The following ARHGEF10L variants were observed in gnomAD, a reference collection of about 807,000 sequenced individuals.
ARHGEF10L encodes the protein Rho guanine nucleotide exchange factor 10 like, also known as rho guanine nucleotide exchange factor 10-like protein.
In ARHGEF10L, 69 loss-of-function variants were observed where a neutral mutation model predicts 141.2. The observed-to-expected ratio is 0.49, with a 90% CI of 0.40 to 0.60. The LOEUF is 0.60. ARHGEF10L is among the 20% of genes least tolerant of loss of function. The pLI, the probability that ARHGEF10L is intolerant of heterozygous loss-of-function variation, is 0.00. For synonymous variants in ARHGEF10L, 711 were observed against 718.5 expected (o/e 0.99, Z 0.17); for missense variants, 1,482 against 1,734.3 (o/e 0.85, Z 2.58).
At chr1:17,634,135 T>G in intron 16 of ARHGEF10L, 1 of 227,506 alleles carries the variant, frequency 4.4e-6, no homozygotes, top group South Asian at 6.8e-5. Context: ...TCAAAGAAGG[T>G]AATTCTTCAG....
chr1:17,638,895 T>G (rs992227053), intron 20 of ARHGEF10L, among the ~76,000 whole-genome samples: 30 of 152,218 alleles, frequency 2.0e-4, no homozygotes, highest in Non-Finnish European at 1.5e-4. Context: ...ATGAATGAAT[T>G]AATGAACAGC....
intron 27 of ARHGEF10L, among the ~76,000 whole-genome samples, chr1:17,691,496 A>G (rs1268073931): frequency 2.6e-5 from 4 of 151,946 alleles, no homozygotes; most frequent in Non-Finnish European, 4.4e-5. Context: ...TTGGAGAGGG[A>G]GGCGATGAGG....
At chr1:17,682,203 G>T (rs996012888) in intron 26 of ARHGEF10L, among the ~76,000 whole-genome samples, 1 of 152,150 alleles carries the variant, frequency 6.6e-6, no homozygotes, top group Non-Finnish European at 1.5e-5. Flanking sequence ...CTGCCTTCAG[G>T]CTCTTTCAGT....
intron 15 of ARHGEF10L, among the ~76,000 whole-genome samples, chr1:17,629,670 T>G (rs2060572510): frequency 2.0e-5 from 3 of 151,998 alleles, no homozygotes; most frequent in Admixed American, 2.0e-4. Flanking sequence ...GCAGGGTCAC[T>G]CTCCACCCCC....
rs560495196 is a variant in ARHGEF10L at position 17,634,194 on chromosome 1, C to A, written c.1731-354C>A. 5.2e-4 allele frequency: 211 copies of A among 403,634 alleles called. 1 individual carries two copies. Among genetic ancestry groups the A allele is most frequent in the African/African-American group, 4.1e-3 (197 of 47,966 alleles). The allele number at this position is 403,634 out of a possible 1,614,324, so 25.0% of individuals were successfully genotyped here. On this transcript the variant is annotated intron_variant, in intron 16 of 28. Transcript: ENST00000361221. ...TGTGGTGCCGGCGGTATGATGAATACCCTCTCTGCCTTCATGTTGCTCTAG... is the reference window on the plus strand; with the variant it reads ...TGTGGTGCCGGCGGTATGATGAATAACCTCTCTGCCTTCATGTTGCTCTAG...
intron 26 of ARHGEF10L, among the ~76,000 whole-genome samples, chr1:17,679,792 A>G (rs1383957631): frequency 6.6e-6 from 1 of 151,878 alleles, no homozygotes. Flanking sequence ...TGCCCTAGCT[A>G]TGGGATGAGG....
Position 17,615,750 on chromosome 1 carries a change from G to A in ARHGEF10L, c.727-344G>A. ...AGTGACGTTCAGTGACGTGCCCAGA[G>A]TCATGCCATTGGCGGGTGGCCCAGG... On this transcript the variant is annotated intron_variant, in intron 8 of 28. Transcript: ENST00000361221. This position sits in a 1 kb window ranked among gnomAD's most constrained non-coding sequence, Gnocchi z 4.7. 1 of 222,348 alleles carries A rather than the reference G, an allele frequency of 4.5e-6. No individual in the cohort carries two copies. Among genetic ancestry groups the A allele is most frequent in the South Asian group, 9.5e-5 (1 of 10,560 alleles). 13.8% of individuals were successfully genotyped at this position (222,348 alleles called of 1,614,324 possible).
rs2080925574 is a variant in ARHGEF10L, at chr1:17,603,818, C to T, written c.433+227C>T. Among the ~76,000 whole-genome samples the T allele has an allele frequency of 6.6e-6, 1 of 152,230 alleles. No homozygotes were observed. Among genetic ancestry groups the T allele is most frequent in the Non-Finnish European group, 1.5e-5 (1 of 68,044 alleles). ...CATCATGGGCAGGGCCATGCTCCGG[C>T]TATGGGTCCCCGGGCAGGTAATCAC... On this transcript the variant is annotated intron_variant, in intron 6 of 28. Transcript: ENST00000361221. The surrounding 1 kb of genome is among the most constrained non-coding windows in gnomAD (Gnocchi z 4.8).
In ARHGEF10L at chr1:17,654,862, C is replaced by T. The variant is rs2102016250; in HGVS notation, c.2481+140C>T. On this transcript the variant is annotated intron_variant, in intron 23 of 28. Transcript: ENST00000361221. This position sits in a 1 kb window ranked among gnomAD's most constrained non-coding sequence, Gnocchi z 4.3. ...CATCCACCAAGGTCTTCCTGGGCAC[C>T]TCTGGTGCCAGGCACTGCATTTGGA... 1.2e-6 allele frequency: 1 copy of T among 806,044 alleles called. No individual in the cohort carries two copies. The highest frequency in any genetic ancestry group is 1.7e-5 in the African/African-American group (1 of 59,342). 49.9% of individuals were successfully genotyped at this position (806,044 alleles called of 1,614,324 possible).
intron 1 of ARHGEF10L, among the ~76,000 whole-genome samples, chr1:17,541,152 C>T (rs973526773): frequency 6.6e-6 from 1 of 152,188 alleles, no homozygotes; most frequent in African/African-American, 2.4e-5. Flanking sequence ...CTGAGGCCCC[C>T]TGTCCCTTCC....
At chr1:17,616,953 A>C in intron 9 of ARHGEF10L, among the ~76,000 whole-genome samples, 1 of 152,200 alleles carries the variant, frequency 6.6e-6, no homozygotes, top group East Asian at 1.9e-4. Context: ...CTATGAGCCT[A>C]CAGTTCCTCA....
rs1370427200 is a variant in ARHGEF10L at position 17,696,836 on chromosome 1, C to G, written c.3308-12C>G. The stretch of plus-strand genomic sequence containing the variant: ...CTTTGGGCCCCTTTCTCTCTCGCCC[C>G]ATTTTCTGCAGGGAAAGGCATGGTC... On this transcript the variant is annotated splice_polypyrimidine_tract_variant and intron_variant, in intron 28 of 28. Coordinates refer to ENST00000361221, the MANE Select transcript of ARHGEF10L (RefSeq NM_018125.4). 6.6e-7 allele frequency: 1 copy of G among 1,523,638 alleles called. No individual in the cohort carries two copies. The highest frequency in any genetic ancestry group is 1.3e-5 in the South Asian group (1 of 78,012). The allele number at this position is 1,523,638 out of a possible 1,614,324, so 94.4% of individuals were successfully genotyped here.
intron 27 of ARHGEF10L, among the ~76,000 whole-genome samples, chr1:17,688,634 T>TG (rs2064819923): frequency 1.3e-5 from 2 of 152,154 alleles, no homozygotes. Flanking sequence ...ACACAGCCCG[T>TG]GTGGCAGGTG....
chr1:17,535,432 C>A (rs12134659), upstream of ARHGEF10L, among the ~76,000 whole-genome samples: 55,688 of 152,066 alleles, frequency 0.37, 10,772 homozygotes, highest in Non-Finnish European at 0.42. Flanking sequence ...GGGTTGGGGA[C>A]CCCTGCACTA....
At chr1:17,692,668 C>T (rs1569845796) in intron 27 of ARHGEF10L, among the ~76,000 whole-genome samples, 1 of 152,348 alleles carries the variant, frequency 6.6e-6, no homozygotes, top group East Asian at 1.9e-4. Flanking sequence ...GCTCCTCCCA[C>T]TCCCACCCTC....
chr1:17,676,951 A>G (rs1314180170), intron 26 of ARHGEF10L, among the ~76,000 whole-genome samples: 1 of 151,754 alleles, frequency 6.6e-6, no homozygotes, highest in East Asian at 1.9e-4. Context: ...GGGCTCCCTT[A>G]GTCCTCACTC....
chr1:17,621,183 C>T lies in ARHGEF10L; in HGVS notation c.943-681C>T, dbSNP rs528958973. 3.0e-4 allele frequency among the ~76,000 whole-genome samples: 45 copies of T among 152,252 alleles called. No individual in the cohort carries two copies. The highest frequency in any genetic ancestry group is 1.4e-3 in the East Asian group (7 of 5,178). On this transcript the variant is annotated intron_variant, in intron 10 of 28. Transcript: ENST00000361221. This position sits in a 1 kb window ranked among gnomAD's most constrained non-coding sequence, Gnocchi z 4.1. ...AGAGGGATAGCTCAAGGATTTCATT[C>T]GCAAGTGAAGGGAGCTGAGATTCGG...
At position 17,619,136 on chromosome 1, in the gene ARHGEF10L, T is replaced by C. The variant is rs572768480; in HGVS notation, c.836-203T>C. On this transcript the variant is annotated intron_variant, in intron 9 of 28. Transcript: ENST00000361221. This position sits in a 1 kb window ranked among gnomAD's most constrained non-coding sequence, Gnocchi z 5.0. ...TCACTTGCTCACAATTATTCACTGA[T>C]GGAATGTTCCAGGCCCTGGGACGTA... Among the ~76,000 whole-genome samples, 1 of 152,198 alleles carries C rather than the reference T, an allele frequency of 6.6e-6. No individual in the cohort carries two copies. The highest frequency in any genetic ancestry group is 1.9e-4 in the East Asian group (1 of 5,152).
At chr1:17,582,023 C>T (rs1161446432) in intron 2 of ARHGEF10L, among the ~76,000 whole-genome samples, 1 of 152,086 alleles carries the variant, frequency 6.6e-6, no homozygotes, top group African/African-American at 2.4e-5. Flanking sequence ...CATGAGTGAC[C>T]AGCTCTGGCT....
Sources: allele counts gnomAD v4.1 joint callset (sites outside exome capture counted in the v4.1 genomes callset), GRCh38; gene constraint gnomAD v4.1.1; non-coding constraint Gnocchi (gnomAD v3.1); transcripts MANE v1.5; gene names NCBI Gene and HGNC (gene_info 2026-07-23, HGNC 2026-07-21).